The following VWA8 variants were observed in gnomAD, a reference collection of about 807,000 sequenced individuals.
VWA8 encodes von Willebrand factor A domain containing 8.
VWA8 carries 221 observed loss-of-function variants against 241.5 expected under a neutral mutation model. The observed-to-expected ratio is 0.91, with a 90% CI of 0.82 to 1.02. VWA8 has a LOEUF of 1.02. VWA8 is among the 50% of genes least tolerant of loss of function. The pLI is 0.00. For missense variants in VWA8, 2,322 were observed against 2,328.7 expected (o/e 1.00, Z 0.06); for synonymous variants, 852 against 827.1 (o/e 1.03, Z -0.52).
chr13:41,667,536 C>T lies in VWA8; in HGVS notation c.4611+3410G>A, dbSNP rs191067070. ...ACTATTCAAAGGCTGCAGAGAGATC[C>T]TACCAGCAATATACAGAAGATTTAC... On this transcript the variant is annotated intron_variant, in intron 37 of 44. Coordinates refer to ENST00000379310, the MANE Select transcript of VWA8 (RefSeq NM_015058.2). Among the ~76,000 whole-genome samples, 4 of 152,226 alleles carry T rather than the reference C, an allele frequency of 2.6e-5. No individual in the cohort carries two copies. The East Asian group carries it at 7.7e-4, about 29-fold the overall frequency.
chr13:41,796,943 GTTA>G (rs1215834030), intron 17 of VWA8, among the ~76,000 whole-genome samples: 1 of 151,944 alleles, frequency 6.6e-6, no homozygotes, highest in East Asian at 1.9e-4. Context: ...TGTATTTTTT[GTTA>G]TTGCTATGAA....
Position 41,567,428 on chromosome 13 carries a change from GA to G in VWA8, c.*768del, listed in dbSNP as rs2044268385. 1 of 152,180 alleles carries G rather than the reference GA, an allele frequency of 6.6e-6. No individual in the cohort carries two copies. Among genetic ancestry groups the G allele is most frequent in the Non-Finnish European group, 1.5e-5 (1 of 68,038 alleles). 9.4% of individuals were successfully genotyped at this position (152,180 alleles called of 1,614,324 possible). ...TTTGGACCCCAAAATGGAGTACTGT[GA>G]ATTTTTTGAGAGATGCTAGAAGAAC... On this transcript the variant is annotated 3_prime_UTR_variant, in exon 45 of 45. Coordinates refer to ENST00000379310, the MANE Select transcript of VWA8 (RefSeq NM_015058.2).
chr13:41,949,031 TAAAAAAA>T (rs35506856), intron 2 of VWA8, among the ~76,000 whole-genome samples: 2 of 63,388 alleles, frequency 3.2e-5, no homozygotes, highest in Non-Finnish European at 5.7e-5. Flanking sequence ...TCTACCATCA[TAAAAAAA>T]AAAAAAAAAA....
chr13:41,768,897 C>T (rs1339556939), intron 20 of VWA8, among the ~76,000 whole-genome samples: 2 of 142,382 alleles, frequency 1.4e-5, no homozygotes, highest in African/African-American at 5.2e-5. Context: ...AACTATAAAA[C>T]AATGCCTTTT....
chr13:41,825,537 T>G, intron 14 of VWA8, among the ~76,000 whole-genome samples: 1 of 152,152 alleles, frequency 6.6e-6, no homozygotes, highest in Non-Finnish European at 1.5e-5. Context: ...CTGTTCTTTC[T>G]GTTAGGCAGC....
At chr13:41,868,318 T>A (rs538492432) in intron 10 of VWA8, 28 bp downstream of exon 10, 2 of 1,612,446 alleles carry the variant, frequency 1.2e-6, no homozygotes, top group African/African-American at 2.7e-5. Flanking sequence ...AGGTATATCA[T>A]AGAAAGAATA....
intron 21 of VWA8, among the ~76,000 whole-genome samples, chr13:41,740,550 C>A (rs892839455): frequency 6.6e-6 from 1 of 152,172 alleles, no homozygotes; most frequent in Non-Finnish European, 1.5e-5. Context: ...TCTTGGACCT[C>A]ATTATATCTT....
intron 37 of VWA8, among the ~76,000 whole-genome samples, chr13:41,653,526 C>T (rs1227101754): frequency 1.3e-5 from 2 of 152,198 alleles, no homozygotes; most frequent in African/African-American, 4.8e-5. Flanking sequence ...ATCAAACTAC[C>T]ATTGGCATTC....
chr13:41,675,660 T>C (rs1263709875), intron 35 of VWA8, among the ~76,000 whole-genome samples: 1 of 152,170 alleles, frequency 6.6e-6, no homozygotes, highest in Non-Finnish European at 1.5e-5. Context: ...CGGCACACTC[T>C]CTAATTAGAC....
intron 20 of VWA8, among the ~76,000 whole-genome samples, chr13:41,763,389 CA>C (rs1322429052): frequency 6.6e-6 from 1 of 152,046 alleles, no homozygotes; most frequent in African/African-American, 2.4e-5. Context: ...ATTTCGCCTA[CA>C]AAAGATTTAA....
intron 1 of VWA8, among the ~76,000 whole-genome samples, chr13:41,955,547 T>C (rs1878314752): frequency 6.6e-6 from 1 of 152,206 alleles, no homozygotes; most frequent in African/African-American, 2.4e-5. Flanking sequence ...ATTCAACTGA[T>C]ATGACATCAT....
At chr13:41,910,721 T>A (rs1334349510) in intron 3 of VWA8, among the ~76,000 whole-genome samples, 1 of 152,234 alleles carries the variant, frequency 6.6e-6, no homozygotes, top group Non-Finnish European at 1.5e-5. Flanking sequence ...TGGCACGTTT[T>A]ACCTCACAAA....
chr13:41,643,189 T>C (rs909562326), intron 37 of VWA8, among the ~76,000 whole-genome samples: 1 of 152,200 alleles, frequency 6.6e-6, no homozygotes, highest in African/African-American at 2.4e-5. Context: ...GCATTTTCTC[T>C]TGGGAATAAG....
At chr13:41,667,015 T>G (rs998171689) in intron 37 of VWA8, among the ~76,000 whole-genome samples, 1 of 152,214 alleles carries the variant, frequency 6.6e-6, no homozygotes, top group African/African-American at 2.4e-5. Flanking sequence ...TTCAGAGTTA[T>G]TGATCAAAGT....
chr13:41,740,920 G>T (rs1019346231), intron 21 of VWA8, among the ~76,000 whole-genome samples: 1 of 151,998 alleles, frequency 6.6e-6, no homozygotes, highest in African/African-American at 2.4e-5. Context: ...AAAAAAACAG[G>T]CATGTTTACA....
intron 22 of VWA8, among the ~76,000 whole-genome samples, chr13:41,730,828 G>C (rs1447175281): frequency 6.6e-6 from 1 of 151,310 alleles, no homozygotes; most frequent in Non-Finnish European, 1.5e-5. Context: ...TTAAGAAATG[G>C]GCATTCCTTC....
chr13:41,830,236 C>T (rs1332728027), intron 14 of VWA8, among the ~76,000 whole-genome samples: 4 of 140,882 alleles, frequency 2.8e-5, no homozygotes, highest in Non-Finnish European at 4.6e-5. Context: ...GAGCGAGACT[C>T]TGTCTCAAAA....
At chr13:41,694,870 T>C (rs2045206132) in intron 29 of VWA8, among the ~76,000 whole-genome samples, 1 of 152,158 alleles carries the variant, frequency 6.6e-6, no homozygotes, top group African/African-American at 2.4e-5. Context: ...ATTCATAACA[T>C]GGCATAAGTG....
intron 12 of VWA8, among the ~76,000 whole-genome samples, chr13:41,843,925 A>G (rs1872172107): frequency 6.6e-6 from 1 of 152,194 alleles, no homozygotes; most frequent in East Asian, 1.9e-4. Flanking sequence ...AAGAGCTGGT[A>G]CCAATTCTAC....
Sources: allele counts gnomAD v4.1 joint callset (sites outside exome capture counted in the v4.1 genomes callset), GRCh38; gene constraint gnomAD v4.1.1; transcripts MANE v1.5; gene names NCBI Gene and HGNC (gene_info 2026-07-23, HGNC 2026-07-21).